Variants in NRP1 observed in about 807,000 individuals in gnomAD.
NRP1 encodes neuropilin 1, also known as neuropilin-1.
In NRP1, 35 loss-of-function variants were observed where a neutral mutation model predicts 106.7. The ratio of observed to expected loss-of-function variants is 0.33; its 90% CI spans 0.25 to 0.43. NRP1 has a LOEUF of 0.43. Ranked by LOEUF, NRP1 falls within the 20% of genes least tolerant of loss-of-function variation. The pLI is 1.00. For missense variants in NRP1, 1,024 were observed against 1,170.4 expected, an observed-to-expected ratio of 0.87 and a Z score of 1.83; for synonymous variants, 437 against 417.9, an observed-to-expected ratio of 1.05 and a Z score of -0.56.
intron 2 of NRP1, among the ~76,000 whole-genome samples, chr10:33,308,248 T>C (rs769353110): frequency 2.0e-5 from 3 of 151,946 alleles, no homozygotes; most frequent in Non-Finnish European, 2.9e-5. Flanking sequence ...ATCAAAAAAC[T>C]ACCTATTGTG....
intron 6 of NRP1, among the ~76,000 whole-genome samples, chr10:33,228,672 G>A (rs962301276): frequency 6.6e-6 from 1 of 152,158 alleles, no homozygotes; most frequent in Non-Finnish European, 1.5e-5. Flanking sequence ...AAGCCAATTT[G>A]AAGTTACAGA....
intron 2 of NRP1, among the ~76,000 whole-genome samples, chr10:33,281,668 A>C (rs1436044403): frequency 6.6e-6 from 1 of 152,232 alleles, no homozygotes; most frequent in African/African-American, 2.4e-5. Context: ...ATAGGTCACT[A>C]ACTGACTTCT....
chr10:33,236,122 C>T (rs911733502), intron 6 of NRP1, among the ~76,000 whole-genome samples: 1 of 152,136 alleles, frequency 6.6e-6, no homozygotes, highest in Non-Finnish European at 1.5e-5. Flanking sequence ...GAGCCTAGTC[C>T]TTTGATTTGG....
chr10:33,294,505 C>T (rs184249962), intron 2 of NRP1, among the ~76,000 whole-genome samples: 29 of 151,766 alleles, frequency 1.9e-4, no homozygotes, highest in African/African-American at 6.3e-4. Flanking sequence ...GTAATCCCAG[C>T]TACTCGGGAG....
At chr10:33,208,899 CTTTTTTTT>C (rs11310131) in intron 9 of NRP1, among the ~76,000 whole-genome samples, 2 of 85,240 alleles carry the variant, frequency 2.3e-5, no homozygotes, top group African/African-American at 4.7e-5. Context: ...TTAGAGCAGC[CTTTTTTTT>C]TTTTTTTTTT....
intron 5 of NRP1, 83 bp downstream of exon 5, chr10:33,256,233 G>C: frequency 1.5e-6 from 2 of 1,378,790 alleles, no homozygotes; most frequent in Non-Finnish European, 1.0e-6. Context: ...CATTTCTTTA[G>C]TGCTTCATGT....
At position 33,180,040 on chromosome 10, in the gene NRP1, TC is replaced by T; in HGVS notation, c.*35del. On this transcript the variant is annotated 3_prime_UTR_variant, in exon 17 of 17. Transcript: ENST00000374867. Reference sequence around the variant, plus strand: ...CCCAGCTCACTCCCGTCCTTCCACTTCCGTCCTTTGACTGTCTTTTCATCTC... The same window carrying T: ...CCCAGCTCACTCCCGTCCTTCCACTTCGTCCTTTGACTGTCTTTTCATCTC... The T allele has an allele frequency of 6.3e-7, 1 of 1,599,928 alleles. No homozygotes were observed. Among genetic ancestry groups the T allele is most frequent in the Non-Finnish European group, 8.5e-7 (1 of 1,171,880 alleles).
chr10:33,203,299 A>G (rs373094292), intron 10 of NRP1, among the ~76,000 whole-genome samples: 4 of 152,118 alleles, frequency 2.6e-5, no homozygotes, highest in African/African-American at 9.7e-5. Context: ...CTCACTGGTT[A>G]TTTATTCAGG....
At chr10:33,283,023 C>T (rs371542846) in intron 2 of NRP1, among the ~76,000 whole-genome samples, 341 of 152,250 alleles carry the variant, frequency 2.2e-3, no homozygotes, top group African/African-American at 6.6e-3. Flanking sequence ...GGATTACAGG[C>T]GTGAGCCACC....
At chr10:33,283,700 C>A (rs542686687) in intron 2 of NRP1, among the ~76,000 whole-genome samples, 1 of 152,208 alleles carries the variant, frequency 6.6e-6, no homozygotes, top group East Asian at 2.0e-4. Flanking sequence ...ATATTAGGAA[C>A]AAACTCATGG....
At chr10:33,202,542 T>G in intron 11 of NRP1, 1 of 1,374,960 alleles carries the variant, frequency 7.3e-7, no homozygotes, top group Non-Finnish European at 9.6e-7. Context: ...AGTGTGTGGT[T>G]ACGTAGGGGT....
chr10:33,238,660 G>C (rs980754966), intron 6 of NRP1, among the ~76,000 whole-genome samples: 19 of 152,156 alleles, frequency 1.2e-4, no homozygotes, highest in African/African-American at 3.9e-4. Flanking sequence ...AAAAAGCACA[G>C]ACCCCAGAAG....
At chr10:33,181,986 C>T (rs757581142) in intron 16 of NRP1, among the ~76,000 whole-genome samples, 3 of 152,030 alleles carry the variant, frequency 2.0e-5, no homozygotes, top group South Asian at 2.1e-4. Flanking sequence ...GTAGTCTGCT[C>T]GGAAGGTTGA....
chr10:33,270,841 T>C lies in NRP1; in HGVS notation c.264A>G (p.Glu88=). The change falls in exon 3 of 17, where the codon GAA becomes GAG. Residue 88 remains glutamate, a synonymous_variant. Transcript: ENST00000374867. ...EDRDCKYDYV[E]VFDGENENGH... is the part of the protein sequence containing the mutation. ...CATTTTCATTTTCTCCATCGAAGAC[T>C]TCCACGTAGTCATACCTAATACACA... 6.2e-7 allele frequency: 1 copy of C among 1,612,026 alleles called. No homozygotes were observed. Among genetic ancestry groups the C allele is most frequent in the Non-Finnish European group, 8.5e-7 (1 of 1,178,986 alleles).
chr10:33,204,041 A>AT lies in NRP1; in HGVS notation c.1760-1047dup, dbSNP rs894553128. On this transcript the variant is annotated intron_variant, in intron 10 of 16. Transcript: ENST00000374867. ...GAAGTCCTTTAAATTTCGTTCAGATATTTTTTTTAGCCTGTTACTCATTTT... is the reference window on the plus strand; with the variant it reads ...GAAGTCCTTTAAATTTCGTTCAGATATTTTTTTTTAGCCTGTTACTCATTTT... 7.2e-4 allele frequency among the ~76,000 whole-genome samples: 109 copies of AT among 151,816 alleles called. 1 individual carries two copies. The highest frequency in any genetic ancestry group is 2.6e-3 in the African/African-American group (107 of 41,390).
intron 2 of NRP1, among the ~76,000 whole-genome samples, chr10:33,310,068 C>T (rs1431343970): frequency 6.6e-6 from 1 of 151,650 alleles, no homozygotes; most frequent in Admixed American, 6.6e-5. Context: ...CTGCCTCAGC[C>T]TCCTGAGTAT....
At chr10:33,226,327 C>A in intron 6 of NRP1, 38 bp from the exon 7 acceptor site, 1 of 1,606,710 alleles carries the variant, frequency 6.2e-7, no homozygotes. Flanking sequence ...TGCACCATCC[C>A]TGCAGCACAG....
chr10:33,187,818 A>G (rs1377346920), intron 13 of NRP1, among the ~76,000 whole-genome samples: 1 of 152,182 alleles, frequency 6.6e-6, no homozygotes, highest in Non-Finnish European at 1.5e-5. Context: ...ACGTGGGCAC[A>G]TACTCCTTTC....
chr10:33,333,404 C>T (rs774156341), intron 1 of NRP1, among the ~76,000 whole-genome samples: 3 of 152,148 alleles, frequency 2.0e-5, no homozygotes, highest in South Asian at 2.1e-4. Context: ...CCTCCACTTG[C>T]GGTCTCTTAT....
Sources: gnomAD v4.1 joint callset for allele counts (sites outside exome capture counted in the v4.1 genomes callset) on GRCh38, gnomAD v4.1.1 for gene constraint, MANE v1.5 for transcripts, NCBI Gene and HGNC (gene_info 2026-07-23, HGNC 2026-07-21) for gene names.